CDON: variants seen among roughly 807,000 people sequenced by gnomAD.
The protein encoded by CDON is cell adhesion associated, oncogene regulated.
CDON carries 73 observed loss-of-function variants against 120.9 expected under a neutral mutation model. The observed-to-expected ratio is 0.60, with a 90% CI of 0.50 to 0.73. The LOEUF is 0.73. CDON is among the 30% of genes least tolerant of loss of function. CDON has a pLI of 0.00. For missense variants in CDON, 1,470 were observed against 1,587.3 expected (o/e 0.93, Z 1.26); for synonymous variants, 566 against 573.5 (o/e 0.99, Z 0.19).
chr11:126,015,579 T>C, intron 6 of CDON, 69 bp from the exon 7 acceptor site: 4 of 1,503,412 alleles, frequency 2.7e-6, no homozygotes, highest in South Asian at 1.2e-5. Flanking sequence ...ACTCGAGTGA[T>C]AAAAATCTTC....
chr11:126,039,841 T>G (rs1223441406), intron 1 of CDON, among the ~76,000 whole-genome samples: 1 of 152,158 alleles, frequency 6.6e-6, no homozygotes, highest in Non-Finnish European at 1.5e-5. Flanking sequence ...TAGACCTTGC[T>G]GGGAAGCTGA....
At chr11:125,994,527 C>A in intron 13 of CDON, 138 bp from the exon 14 acceptor site, 1 of 671,972 alleles carries the variant, frequency 1.5e-6, no homozygotes. Context: ...TTTTAATTTA[C>A]TTCAAAGGTA....
chr11:125,997,289 C>T lies in CDON; in HGVS notation c.2280G>A (p.Arg760=). The change falls in exon 12 of 20, where the codon CGG becomes CGA. Residue 760 remains arginine, a synonymous_variant. Transcript: ENST00000531738. ...CCACCAGCCAATTGCTGGTCCTCAT[C>T]CGTTTATATTCGACTTTGAAGGCAG... ...PITAFKVEYK[R]MRTSNWLVAA... 1.2e-6 allele frequency: 2 copies of T among 1,614,124 alleles called. No homozygotes were observed. The highest frequency in any genetic ancestry group is 1.7e-6 in the Non-Finnish European group (2 of 1,179,988).
chr11:126,013,401 G>A (rs866913736), intron 7 of CDON, among the ~76,000 whole-genome samples: 4 of 152,126 alleles, frequency 2.6e-5, no homozygotes, highest in South Asian at 2.1e-4. Flanking sequence ...CTATCACTTC[G>A]AAGTTTGGTA....
At chr11:126,006,144 G>T in intron 8 of CDON, 87 bp from the exon 9 acceptor site, 1 of 1,213,172 alleles carries the variant, frequency 8.2e-7, no homozygotes, top group Non-Finnish European at 1.2e-6. Flanking sequence ...GCCCTCACTT[G>T]TATTGTTAGC....
chr11:125,997,158 G>T lies in CDON; in HGVS notation c.2362+49C>A, dbSNP rs11220309. ...CTGTCTCAAAATATATAAATATATG[G>T]ATCTAAAGTTCACATCGATGGTAAA... On this transcript the variant is annotated intron_variant, in intron 12 of 19. Transcript: ENST00000531738. The T allele has an allele frequency of 0.93, 1,201,491 of 1,297,830 alleles. 556,490 individuals are homozygous for T. Among genetic ancestry groups the T allele is most frequent in the East Asian group, 1 (43,177 of 43,272 alleles). The allele number at this position is 1,297,830 out of a possible 1,614,324, so 80.4% of individuals were successfully genotyped here.
chr11:125,994,150 G>A (rs759850686), intron 14 of CDON, 134 bp downstream of exon 14: 1 of 686,062 alleles, frequency 1.5e-6, no homozygotes, highest in Non-Finnish European at 2.7e-6. Context: ...CTTTCTTTGG[G>A]ACAAATTCAA....
At chr11:126,022,001 C>T (rs1249696530) in intron 2 of CDON, among the ~76,000 whole-genome samples, 1 of 148,298 alleles carries the variant, frequency 6.7e-6, no homozygotes, top group Non-Finnish European at 1.5e-5. Flanking sequence ...ACTCCAGAGG[C>T]TGAGGTGGGA....
At chr11:125,996,684 AG>A (rs1565514005) in intron 12 of CDON, among the ~76,000 whole-genome samples, 1 of 118,490 alleles carries the variant, frequency 8.4e-6, no homozygotes, top group Non-Finnish European at 1.7e-5. Context: ...TAGGCGACAG[AG>A]GGAGACTCCA....
At chr11:125,974,219 A>G (rs1279418491) in intron 18 of CDON, among the ~76,000 whole-genome samples, 2 of 151,854 alleles carry the variant, frequency 1.3e-5, no homozygotes, top group South Asian at 2.1e-4. Flanking sequence ...TTCTTAAAAG[A>G]TATGTCTCCC....
chr11:125,995,158 C>T (rs770542486), intron 12 of CDON, 106 bp from the exon 13 acceptor site: 7 of 902,342 alleles, frequency 7.8e-6, no homozygotes, highest in Non-Finnish European at 1.2e-5. Context: ...GGCAATTGTG[C>T]TGAAGTACCT....
intron 14 of CDON, 98 bp from the exon 15 acceptor site, chr11:125,989,857 C>CTGAAA: frequency 9.4e-7 from 1 of 1,067,006 alleles, no homozygotes; most frequent in Non-Finnish European, 1.4e-6. Flanking sequence ...GAGCAGCATC[C>CTGAAA]ACTACCATCC....
At chr11:125,966,819 G>A (rs1192845984) in intron 18 of CDON, among the ~76,000 whole-genome samples, 1 of 151,988 alleles carries the variant, frequency 6.6e-6, no homozygotes, top group East Asian at 1.9e-4. Flanking sequence ...ACAGAATAAT[G>A]TCTTTAAAGT....
At chr11:125,980,564 T>C (rs1257968213) in intron 17 of CDON, among the ~76,000 whole-genome samples, 3 of 152,208 alleles carry the variant, frequency 2.0e-5, no homozygotes, top group Admixed American at 6.5e-5. Flanking sequence ...TTGGCAACAC[T>C]GCGCCCTCAG....
At position 126,052,125 on chromosome 11, in the gene CDON, A is replaced by C. The variant is rs185681872; in HGVS notation, c.-62+10454T>G. ...CAAAACAAAACAAAACAAAACAAAA[A>C]AAACTTTAGCTCTAAATGTATTATG... On this transcript the variant is annotated intron_variant, in intron 1 of 19. Coordinates refer to ENST00000531738, the MANE Select transcript of CDON (RefSeq NM_001378964.1). Among the ~76,000 whole-genome samples the C allele has an allele frequency of 5.3e-4, 79 of 150,468 alleles. No homozygotes were observed. The South Asian group carries it at 9.1e-3, about 17-fold the overall frequency.
At chr11:126,043,031 C>T (rs1207265550) in intron 1 of CDON, among the ~76,000 whole-genome samples, 3 of 152,170 alleles carry the variant, frequency 2.0e-5, no homozygotes, top group Non-Finnish European at 4.4e-5. Context: ...TCCTAACTTT[C>T]GACACCTAAG....
At position 125,983,741 on chromosome 11, in the gene CDON, A is replaced by C. The variant is rs899198729; in HGVS notation, c.2995+131T>G. ...AACAGTTTTAAAGTCATCTCCTCTG[A>C]ATGAAGAGTATCTAATGTGTTTCAT... On this transcript the variant is annotated intron_variant, in intron 16 of 19. Coordinates refer to ENST00000531738, the MANE Select transcript of CDON (RefSeq NM_001378964.1). 4.0e-6 allele frequency: 3 copies of C among 747,342 alleles called. No homozygotes were observed. The African/African-American group carries it at 5.2e-5, about 13-fold the overall frequency. The allele number at this position is 747,342 out of a possible 1,614,324, so 46.3% of individuals were successfully genotyped here.
At chr11:126,016,603 T>C (rs756036698) in intron 6 of CDON, among the ~76,000 whole-genome samples, 5 of 152,044 alleles carry the variant, frequency 3.3e-5, no homozygotes, top group Non-Finnish European at 5.9e-5. Context: ...CAGCTAATTT[T>C]TGTATTTTTG....
At chr11:126,022,237 T>A (rs1289050364) in intron 2 of CDON, among the ~76,000 whole-genome samples, 1 of 152,100 alleles carries the variant, frequency 6.6e-6, no homozygotes, top group African/African-American at 2.4e-5. Context: ...TCTCCCCTAT[T>A]TTACCAACAG....
Sources: gnomAD v4.1 joint callset for allele counts (sites outside exome capture counted in the v4.1 genomes callset) on GRCh38, gnomAD v4.1.1 for gene constraint, MANE v1.5 for transcripts, NCBI Gene and HGNC (gene_info 2026-07-23, HGNC 2026-07-21) for gene names.